The following NEK10 variants were observed in gnomAD, a reference collection of about 807,000 sequenced individuals.
NEK10 encodes the protein serine/threonine-protein kinase Nek10.
NEK10 carries 122 observed loss-of-function variants against 159.8 expected under a neutral mutation model. The ratio of observed to expected loss-of-function variants is 0.76; its 90% confidence interval spans 0.66 to 0.89. The LOEUF (loss-of-function observed/expected upper bound fraction) is 0.89, where lower values mean the gene tolerates loss of function less well. Among genes scored for constraint, NEK10 ranks in the 40% least tolerant of loss-of-function variants. NEK10 has a pLI of 0.00. For missense variants in NEK10, 1,342 were observed against 1,323.1 expected (o/e 1.01, Z -0.22); for synonymous variants, 466 against 457.1 (o/e 1.02, Z -0.25).
At chr3:27,226,268 A>G (rs1333948445) in intron 23 of NEK10, among the ~76,000 whole-genome samples, 1 of 151,484 alleles carries the variant, frequency 6.6e-6, no homozygotes, top group East Asian at 1.9e-4. Context: ...GATGGTCTAG[A>G]TCTCCTGACC....
rs528126796 is a variant in NEK10, at chr3:27,332,296, C to T, written c.363-10035G>A. The stretch of plus-strand genomic sequence containing the variant: ...ATAAACTCTGCTGACATTTTTGGAA[C>T]ACTTTTTCTGAAAAAATATTCATAT... On this transcript the variant is annotated intron_variant, in intron 5 of 35. Transcript: ENST00000691995. Among the ~76,000 whole-genome samples the T allele has an allele frequency of 3.3e-5, 5 of 152,300 alleles. No homozygotes were observed. In the East Asian group the frequency reaches 5.8e-4, roughly 18 times the overall value.
At chr3:27,228,278 C>T (rs1209471593) in intron 23 of NEK10, among the ~76,000 whole-genome samples, 1 of 152,142 alleles carries the variant, frequency 6.6e-6, no homozygotes, top group Non-Finnish European at 1.5e-5. Context: ...ACACATCTTA[C>T]TCTCTTCATT....
intron 22 of NEK10, among the ~76,000 whole-genome samples, chr3:27,261,594 G>A (rs1401766837): frequency 1.3e-5 from 2 of 152,160 alleles, no homozygotes; most frequent in African/African-American, 4.8e-5. Context: ...GAGACAGTTT[G>A]TTATAATTTC....
intron 29 of NEK10, among the ~76,000 whole-genome samples, chr3:27,167,586 C>T (rs550568848): frequency 1.3e-5 from 2 of 152,264 alleles, no homozygotes; most frequent in East Asian, 1.9e-4. Flanking sequence ...TTAGAATCCT[C>T]AATGTGTATA....
At chr3:27,147,971 A>C (rs1387837951) in intron 30 of NEK10, among the ~76,000 whole-genome samples, 3 of 152,246 alleles carry the variant, frequency 2.0e-5, no homozygotes, top group African/African-American at 7.2e-5. Context: ...GACACTTGCC[A>C]AAGAACAACT....
At chr3:27,111,838 G>A (rs770913842) in intron 35 of NEK10, among the ~76,000 whole-genome samples, 1 of 152,170 alleles carries the variant, frequency 6.6e-6, no homozygotes, top group Admixed American at 6.5e-5. Context: ...TAAAATTAAG[G>A]CATATTAAGT....
At chr3:27,159,097 A>G (rs1945769177) in intron 30 of NEK10, among the ~76,000 whole-genome samples, 1 of 152,160 alleles carries the variant, frequency 6.6e-6, no homozygotes, top group African/African-American at 2.4e-5. Context: ...TAGGTATATC[A>G]GGTATGAAAT....
chr3:27,226,353 TAAAA>T (rs201744080), intron 23 of NEK10, among the ~76,000 whole-genome samples: 3 of 150,414 alleles, frequency 2.0e-5, no homozygotes, highest in African/African-American at 7.3e-5. Context: ...CCACAGTTTT[TAAAA>T]AAAAGAAAGA....
chr3:27,127,912 T>A (rs186381357), intron 32 of NEK10, among the ~76,000 whole-genome samples: 1 of 152,228 alleles, frequency 6.6e-6, no homozygotes, highest in Admixed American at 6.5e-5. Flanking sequence ...CCCCTCTTCC[T>A]GAAATTTATT....
chr3:27,202,673 T>C, intron 23 of NEK10, 116 bp from the exon 24 acceptor site: 1 of 1,282,692 alleles, frequency 7.8e-7, no homozygotes, highest in Non-Finnish European at 1.0e-6. Context: ...TTTAACTTAA[T>C]CACTATTTCA....
intron 29 of NEK10, among the ~76,000 whole-genome samples, chr3:27,171,089 T>C (rs1307645101): frequency 2.6e-5 from 4 of 152,158 alleles, no homozygotes; most frequent in Admixed American, 1.3e-4. Context: ...CTCTGGAACA[T>C]TGTAATCAAG....
chr3:27,348,586 G>A (rs1000148266), intron 3 of NEK10, among the ~76,000 whole-genome samples: 7 of 152,092 alleles, frequency 4.6e-5, no homozygotes, highest in Non-Finnish European at 8.8e-5. Context: ...CCACACCTGG[G>A]CATCTGCAGC....
At chr3:27,315,481 A>G (rs746508115) in intron 6 of NEK10, among the ~76,000 whole-genome samples, 1 of 152,236 alleles carries the variant, frequency 6.6e-6, no homozygotes, top group Non-Finnish European at 1.5e-5. Context: ...TACTAATTTG[A>G]AGCCTCATCA....
chr3:27,139,323 A>C lies in NEK10; in HGVS notation c.2970+2159T>G, dbSNP rs147705455. On this transcript the variant is annotated intron_variant, in intron 31 of 35. Coordinates refer to ENST00000691995, the MANE Select transcript of NEK10 (RefSeq NM_001394966.1). Reference sequence around the variant, plus strand: ...GAACATGAACCTTTCTTTGCTTGAAAACCCTATGATAACCTCATCTAGGAC... The same window carrying C: ...GAACATGAACCTTTCTTTGCTTGAACACCCTATGATAACCTCATCTAGGAC... Among the ~76,000 whole-genome samples, 202 of 152,198 alleles carry C rather than the reference A, an allele frequency of 1.3e-3. 1 individual carries two copies. The highest frequency in any genetic ancestry group is 4.5e-3 in the African/African-American group (187 of 41,560).
At chr3:27,274,657 AC>A (rs2149411826) in intron 22 of NEK10, among the ~76,000 whole-genome samples, 1 of 152,098 alleles carries the variant, frequency 6.6e-6, no homozygotes, top group South Asian at 2.1e-4. Context: ...GCATACACAC[AC>A]ACACATGCAC....
In NEK10 at chr3:27,287,678, T is replaced by C; in HGVS notation, c.1789+20A>G. ...AAAAATGTTTCCTTATTTAGAAATATCATGAAAACTCATACTTACTTTCCA... is the reference window on the plus strand; with the variant it reads ...AAAAATGTTTCCTTATTTAGAAATACCATGAAAACTCATACTTACTTTCCA... On this transcript the variant is annotated intron_variant, in intron 20 of 35. Coordinates refer to ENST00000691995, the MANE Select transcript of NEK10 (RefSeq NM_001394966.1). 1.3e-6 allele frequency: 2 copies of C among 1,558,470 alleles called. No individual in the cohort carries two copies. The highest frequency in any genetic ancestry group is 1.7e-6 in the Non-Finnish European group (2 of 1,158,526).
At chr3:27,272,260 C>T (rs1343512072) in intron 22 of NEK10, among the ~76,000 whole-genome samples, 1 of 152,162 alleles carries the variant, frequency 6.6e-6, no homozygotes, top group Admixed American at 6.5e-5. Flanking sequence ...AAAGCACCTG[C>T]CACTTCCCAC....
chr3:27,260,597 G>T (rs1245633714), intron 22 of NEK10, among the ~76,000 whole-genome samples: 3 of 152,166 alleles, frequency 2.0e-5, no homozygotes, highest in Admixed American at 2.0e-4. Context: ...ATAAGCTTTT[G>T]GATGTGCTGC....
intron 1 of NEK10, among the ~76,000 whole-genome samples, chr3:27,355,193 G>A (rs960522078): frequency 2.6e-5 from 4 of 151,974 alleles, no homozygotes; most frequent in East Asian, 1.9e-4. Context: ...GCTTGACCTC[G>A]CCAGATGTTG....
Sources: gnomAD v4.1 joint callset for allele counts (sites outside exome capture counted in the v4.1 genomes callset) on GRCh38, gnomAD v4.1.1 for gene constraint, MANE v1.5 for transcripts, NCBI Gene and HGNC (gene_info 2026-07-23, HGNC 2026-07-21) for gene names.